FXR1: variants seen among roughly 807,000 people sequenced by gnomAD.
FXR1 encodes the protein RNA-binding protein FXR1.
FXR1 carries 15 observed loss-of-function variants against 84.0 expected under a neutral mutation model. The observed-to-expected ratio is 0.18, with a 90% CI of 0.12 to 0.27. The LOEUF (loss-of-function observed/expected upper bound fraction) is 0.27, where lower values mean the gene tolerates loss of function less well. FXR1 is among the 10% of genes least tolerant of loss of function. The pLI is 1.00. For synonymous variants in FXR1, 245 were observed against 250.7 expected (o/e 0.98, Z 0.21); for missense variants, 480 against 774.4 (o/e 0.62, Z 4.51).
chr3:180,965,480 TTTA>T (rs67065946), intron 13 of FXR1, among the ~76,000 whole-genome samples: 25,844 of 152,154 alleles, frequency 0.17, 2,395 homozygotes, highest in Middle Eastern at 0.24. Context: ...ACCACAGAAA[TTTA>T]TTATCTTATA....
At chr3:180,935,874 TACAA>T (rs1433618245) in intron 3 of FXR1, among the ~76,000 whole-genome samples, 1 of 151,992 alleles carries the variant, frequency 6.6e-6, no homozygotes, top group Non-Finnish European at 1.5e-5. Context: ...TGCCCGGCCC[TACAA>T]ACATTTTATT....
intron 1 of FXR1, among the ~76,000 whole-genome samples, chr3:180,921,054 A>T (rs1718524036): frequency 6.6e-6 from 1 of 151,332 alleles, no homozygotes; most frequent in African/African-American, 2.4e-5. Context: ...GCCTTGAATA[A>T]TTTTTTTTTC....
intron 8 of FXR1, among the ~76,000 whole-genome samples, chr3:180,953,529 T>C (rs1722438784): frequency 6.6e-6 from 1 of 152,236 alleles, no homozygotes; most frequent in Non-Finnish European, 1.5e-5. Context: ...TTAGAGATGT[T>C]ATTTTATTTT....
chr3:180,954,355 G>A (rs1367219513), intron 9 of FXR1, among the ~76,000 whole-genome samples: 1 of 152,196 alleles, frequency 6.6e-6, no homozygotes, highest in Non-Finnish European at 1.5e-5. Flanking sequence ...GGGCAGGAGA[G>A]AAGGATGATA....
intron 1 of FXR1, chr3:180,932,972 A>G: frequency 5.4e-6 from 1 of 184,256 alleles, no homozygotes; most frequent in South Asian, 1.5e-4. Flanking sequence ...TTGGGTATGA[A>G]TCCTGGCAGC....
intron 16 of FXR1, 59 bp from the exon 17 acceptor site, chr3:180,976,062 TC>T: frequency 1.5e-6 from 2 of 1,327,156 alleles, no homozygotes; most frequent in Non-Finnish European, 2.1e-6. Context: ...GTAGCTGTTT[TC>T]CTCCTCAGCT....
chr3:180,967,655 G>GTT (rs995379597), intron 13 of FXR1, among the ~76,000 whole-genome samples: 2 of 146,860 alleles, frequency 1.4e-5, no homozygotes, highest in Non-Finnish European at 3.0e-5. Flanking sequence ...CTGCACATCA[G>GTT]TTTTTTTTTT....
chr3:180,960,848 AT>A (rs199707609), intron 10 of FXR1, among the ~76,000 whole-genome samples: 1,954 of 152,292 alleles, frequency 0.013, 23 homozygotes, highest in Middle Eastern at 0.041. Context: ...ATATAAACTG[AT>A]TTTTTAAAAT....
At chr3:180,973,164 C>T (rs1270619407) in intron 15 of FXR1, among the ~76,000 whole-genome samples, 4 of 152,084 alleles carry the variant, frequency 2.6e-5, no homozygotes, top group Non-Finnish European at 4.4e-5. Context: ...TTTTAAGGGG[C>T]TTGTATTATA....
intron 9 of FXR1, among the ~76,000 whole-genome samples, chr3:180,955,583 A>T (rs1025016002): frequency 1.7e-4 from 26 of 152,160 alleles, no homozygotes; most frequent in African/African-American, 5.8e-4. Flanking sequence ...AGAAATCGTT[A>T]ATTATTGACA....
intron 1 of FXR1, among the ~76,000 whole-genome samples, chr3:180,918,156 T>C (rs1393221972): frequency 4.6e-5 from 7 of 152,176 alleles, no homozygotes; most frequent in Non-Finnish European, 8.8e-5. Flanking sequence ...ATGTACCTGT[T>C]ATTTTCTATG....
At chr3:180,950,518 C>T (rs1469645024) in intron 7 of FXR1, among the ~76,000 whole-genome samples, 1 of 151,972 alleles carries the variant, frequency 6.6e-6, no homozygotes, top group African/African-American at 2.4e-5. Flanking sequence ...ACATATGAAA[C>T]TTAGCATCTT....
chr3:180,980,352 G>C lies in FXR1; in HGVS notation c.*4060G>C, dbSNP rs1215710171. On this transcript the variant is annotated 3_prime_UTR_variant, in exon 17 of 17. Transcript: ENST00000357559. ...TAAGTATGCTACTAATTAGCTTCTTGAATTTCTTTGTATTTCAGTGATTGG... is the reference window on the plus strand; with the variant it reads ...TAAGTATGCTACTAATTAGCTTCTTCAATTTCTTTGTATTTCAGTGATTGG... 6.6e-6 allele frequency: 1 copy of C among 151,878 alleles called. No individual in the cohort carries two copies. Among genetic ancestry groups the C allele is most frequent in the Non-Finnish European group, 1.5e-5 (1 of 67,902 alleles). The allele number at this position is 151,878 out of a possible 1,614,324, so 9.4% of individuals were successfully genotyped here.
At position 180,948,715 on chromosome 3, in the gene FXR1, C is replaced by G; in HGVS notation, c.420-6C>G. The stretch of plus-strand genomic sequence containing the variant: ...AGTTCTTACACATAAATTGATTTCT[C>G]TCTAGGTGTGCTAATGAAAATGCAC... On this transcript the variant is annotated splice_polypyrimidine_tract_variant and splice_region_variant and intron_variant, in intron 5 of 16. Transcript: ENST00000357559. The G allele has an allele frequency of 6.8e-7, 1 of 1,461,576 alleles. No homozygotes were observed. Among genetic ancestry groups the G allele is most frequent in the Non-Finnish European group, 9.6e-7 (1 of 1,042,242 alleles). The allele number at this position is 1,461,576 out of a possible 1,614,324, so 90.5% of individuals were successfully genotyped here.
chr3:180,951,501 T>C, intron 8 of FXR1, 33 bp downstream of exon 8: 2 of 1,411,500 alleles, frequency 1.4e-6, no homozygotes, highest in Non-Finnish European at 2.0e-6. Context: ...TGGCCTTTAG[T>C]GTATTAACCA....
At chr3:180,975,944 A>G (rs1488862459) in intron 16 of FXR1, among the ~76,000 whole-genome samples, 178 bp from the exon 17 acceptor site, 1 of 152,200 alleles carries the variant, frequency 6.6e-6, no homozygotes, top group East Asian at 1.9e-4. Flanking sequence ...TGAAAGACCC[A>G]TAGAGTGGAA....
chr3:180,965,027 T>G (rs560250493), intron 13 of FXR1, among the ~76,000 whole-genome samples: 3 of 152,166 alleles, frequency 2.0e-5, no homozygotes, highest in African/African-American at 7.2e-5. Flanking sequence ...GTTACTTTTT[T>G]TTTTTTGAGA....
At chr3:180,916,145 A>C (rs1255276854) in intron 1 of FXR1, among the ~76,000 whole-genome samples, 3 of 152,188 alleles carry the variant, frequency 2.0e-5, no homozygotes, top group African/African-American at 7.2e-5. Flanking sequence ...AGGTGTCTTG[A>C]AAAAGAAAGT....
Position 180,980,015 on chromosome 3 carries a change from C to G in FXR1, c.*3723C>G, listed in dbSNP as rs556323401. On this transcript the variant is annotated 3_prime_UTR_variant, in exon 17 of 17. Transcript: ENST00000357559. Reference sequence around the variant, plus strand: ...CAAAAAGATGCTTTAGGTAATGGTACAGAATTAGAAGCTGCTATTTTAGCT... The same window carrying G: ...CAAAAAGATGCTTTAGGTAATGGTAGAGAATTAGAAGCTGCTATTTTAGCT... 3 of 152,114 alleles carry G rather than the reference C, an allele frequency of 2.0e-5. No individual in the cohort carries two copies. The South Asian group carries it at 6.2e-4, about 32-fold the overall frequency. 9.4% of individuals were successfully genotyped at this position (152,114 alleles called of 1,614,324 possible). A position where few individuals can be genotyped will look rare whatever the true frequency, so the allele number is the denominator to read the frequency against.
Sources: allele counts gnomAD v4.1 joint callset (sites outside exome capture counted in the v4.1 genomes callset), GRCh38; gene constraint gnomAD v4.1.1; transcripts MANE v1.5; gene names NCBI Gene and HGNC (gene_info 2026-07-23, HGNC 2026-07-21).